PTPRZ1: variants seen among roughly 807,000 people sequenced by gnomAD.
The protein encoded by PTPRZ1 is protein tyrosine phosphatase receptor type Z1, also known as receptor-type tyrosine-protein phosphatase zeta.
Under a neutral mutation model 214.1 loss-of-function variants are expected in PTPRZ1, and 82 were observed. The ratio of observed to expected loss-of-function variants is 0.38; its 90% CI spans 0.32 to 0.46. PTPRZ1 has a LOEUF of 0.46. Ranked by LOEUF, PTPRZ1 falls within the 20% of genes least tolerant of loss-of-function variation. The pLI is 1.00. For synonymous variants in PTPRZ1, 945 were observed against 987.9 expected (o/e 0.96, Z 0.81); for missense variants, 2,603 against 2,748.7 (o/e 0.95, Z 1.19).
chr7:122,051,736 C>T (rs1792191173), intron 24 of PTPRZ1, 130 bp from the exon 25 acceptor site: 1 of 930,608 alleles, frequency 1.1e-6, no homozygotes, highest in African/African-American at 1.7e-5. Flanking sequence ...AGATCAGAGA[C>T]ACTTCAACTT....
At chr7:121,930,813 C>T (rs540021851) in intron 2 of PTPRZ1, among the ~76,000 whole-genome samples, 250 of 152,126 alleles carry the variant, frequency 1.6e-3, no homozygotes, top group Non-Finnish European at 2.9e-3. Context: ...TCTTTTCCTA[C>T]GAAAGAGAAA....
Position 121,955,065 on chromosome 7 carries a change from C to G in PTPRZ1, c.125-12886C>G, listed in dbSNP as rs146742071. Among the ~76,000 whole-genome samples the G allele has an allele frequency of 1.9e-4, 29 of 152,314 alleles. No homozygotes were observed. The East Asian group carries it at 4.8e-3, about 25-fold the overall frequency. On this transcript the variant is annotated intron_variant, in intron 2 of 29. Coordinates refer to ENST00000393386, the MANE Select transcript of PTPRZ1 (RefSeq NM_002851.3). ...ACAATGAAACAGTGCTGTGGTTTAG[C>G]AGAGGTCCTACCATGAATAGAAGGA... is the stretch of plus-strand genomic sequence containing the variant.
chr7:121,966,277 G>C (rs554472476), intron 2 of PTPRZ1, among the ~76,000 whole-genome samples: 1 of 152,114 alleles, frequency 6.6e-6, no homozygotes, highest in East Asian at 1.9e-4. Context: ...ATTATATTCA[G>C]TGTTATTGAA....
intron 2 of PTPRZ1, among the ~76,000 whole-genome samples, chr7:121,956,418 A>G (rs1796708030): frequency 6.6e-6 from 1 of 152,160 alleles, no homozygotes; most frequent in African/African-American, 2.4e-5. Flanking sequence ...TATAAAACTC[A>G]ATGAAGTCTT....
At chr7:121,958,732 T>C (rs1271744712) in intron 2 of PTPRZ1, among the ~76,000 whole-genome samples, 4 of 152,138 alleles carry the variant, frequency 2.6e-5, no homozygotes, top group African/African-American at 9.7e-5. Flanking sequence ...CCCGTCGGGA[T>C]TTTAGAAGTC....
chr7:122,027,004 G>A (rs1799223423), intron 13 of PTPRZ1, among the ~76,000 whole-genome samples: 1 of 152,154 alleles, frequency 6.6e-6, no homozygotes, highest in Non-Finnish European at 1.5e-5. Context: ...GATAAGAAGA[G>A]ACCAATTATA....
chr7:121,903,494 A>C (rs894023859), intron 1 of PTPRZ1, among the ~76,000 whole-genome samples: 40 of 152,116 alleles, frequency 2.6e-4, no homozygotes, highest in African/African-American at 9.1e-4. Context: ...TTGAAAGAAA[A>C]GCCAGGGTTC....
In PTPRZ1 at chr7:121,958,415, T is replaced by G. The variant is rs550589285; in HGVS notation, c.125-9536T>G. ...AATTCCCTTTCAGGCCACTCATTCT[T>G]AAGTCCATTTGGTGCCACTGCTCCC... is the stretch of plus-strand genomic sequence containing the variant. On this transcript the variant is annotated intron_variant, in intron 2 of 29. Transcript: ENST00000393386. Among the ~76,000 whole-genome samples the G allele has an allele frequency of 1.4e-4, 21 of 152,338 alleles. No individual in the cohort carries two copies. In the South Asian group the frequency reaches 4.4e-3, roughly 32 times the overall value.
chr7:122,050,519 T>A (rs755638049), intron 23 of PTPRZ1, among the ~76,000 whole-genome samples: 4 of 126,882 alleles, frequency 3.2e-5, no homozygotes, highest in Non-Finnish European at 6.6e-5. Flanking sequence ...TATTTCTTAA[T>A]AACTTCAGGA....
chr7:122,035,475 G>C (rs1160585287), intron 17 of PTPRZ1, among the ~76,000 whole-genome samples: 1 of 152,156 alleles, frequency 6.6e-6, no homozygotes, highest in African/African-American at 2.4e-5. Flanking sequence ...ATTAACATTT[G>C]ATGAACACCT....
At chr7:121,893,465 T>G (rs772203959) in intron 1 of PTPRZ1, among the ~76,000 whole-genome samples, 16 of 152,246 alleles carry the variant, frequency 1.1e-4, no homozygotes, top group Non-Finnish European at 2.1e-4. Context: ...CCTGTCAGTA[T>G]TCTGTCAAAT....
intron 2 of PTPRZ1, among the ~76,000 whole-genome samples, chr7:121,941,168 A>G (rs1040728689): frequency 2.6e-5 from 4 of 152,218 alleles, no homozygotes; most frequent in African/African-American, 9.6e-5. Flanking sequence ...TGTGTATGGC[A>G]TGAATGGACA....
intron 1 of PTPRZ1, among the ~76,000 whole-genome samples, chr7:121,911,687 G>A (rs2116310664): frequency 6.6e-6 from 1 of 151,930 alleles, no homozygotes; most frequent in South Asian, 2.1e-4. Flanking sequence ...TTAGATGGGA[G>A]ATAGGAAGGT....
At chr7:121,941,960 A>C (rs938326346) in intron 2 of PTPRZ1, among the ~76,000 whole-genome samples, 1 of 152,222 alleles carries the variant, frequency 6.6e-6, no homozygotes, top group Non-Finnish European at 1.5e-5. Flanking sequence ...CACTTAAAGG[A>C]TCACACAACT....
chr7:121,973,317 G>T, intron 4 of PTPRZ1, among the ~76,000 whole-genome samples: 1 of 152,096 alleles, frequency 6.6e-6, no homozygotes, highest in Middle Eastern at 3.4e-3. Context: ...GTTTTTGAAT[G>T]ATATATATAC....
rs199959940 is a variant in PTPRZ1, at chr7:122,011,245, A to G, written c.2199A>G (p.Arg733=). The G allele has an allele frequency of 4.0e-5, 65 of 1,613,874 alleles. No homozygotes were observed. Among genetic ancestry groups the G allele is most frequent in the Non-Finnish European group, 5.3e-5 (62 of 1,179,980 alleles). Residue 733 remains arginine (R), a synonymous_variant, in exon 12 of 30, where the codon AGA becomes AGG. Transcript: ENST00000393386. ...CTCATGCTTTTACCCCATCCTCCAG[A>G]CAACAGGATTTGGTCTCCACGGTCA... ...VTPHAFTPSS[R]QQDLVSTVNV...
At chr7:121,926,833 T>C (rs1795779404) in intron 1 of PTPRZ1, among the ~76,000 whole-genome samples, 1 of 152,214 alleles carries the variant, frequency 6.6e-6, no homozygotes, top group African/African-American at 2.4e-5. Context: ...TTGTAAAATA[T>C]AGATTTATGT....
At position 122,034,338 on chromosome 7, in the gene PTPRZ1, A is replaced by G. The variant is rs768355374; in HGVS notation, c.5244A>G (p.Pro1748=). 1 of 1,613,612 alleles carries G rather than the reference A, an allele frequency of 6.2e-7. No homozygotes were observed. Among genetic ancestry groups the G allele is most frequent in the Non-Finnish European group, 8.5e-7 (1 of 1,179,690 alleles). The part of the protein sequence containing the change: ...LGITADSSNH[P]DNKHKNRYIN... Reference sequence around the variant, plus strand: ...TTACAGCAGACAGCTCCAACCACCCAGACAACAAGCACAAGAATCGATACA... The same window carrying G: ...TTACAGCAGACAGCTCCAACCACCCGGACAACAAGCACAAGAATCGATACA... The change falls in exon 17 of 30, where the codon CCA becomes CCG. Residue 1748 remains proline (P), a synonymous_variant. Coordinates refer to ENST00000393386, the MANE Select transcript of PTPRZ1 (RefSeq NM_002851.3).
chr7:121,887,754 G>A (rs1794444209), intron 1 of PTPRZ1, among the ~76,000 whole-genome samples: 1 of 151,926 alleles, frequency 6.6e-6, no homozygotes, highest in South Asian at 2.1e-4. Context: ...CTACTTTTTG[G>A]CCTGCACAGC....
Sources: gnomAD v4.1 joint callset for allele counts (sites outside exome capture counted in the v4.1 genomes callset) on GRCh38, gnomAD v4.1.1 for gene constraint, MANE v1.5 for transcripts, NCBI Gene and HGNC (gene_info 2026-07-23, HGNC 2026-07-21) for gene names.